The following GPR158 variants were observed in gnomAD, a reference collection of about 807,000 sequenced individuals.
GPR158 encodes the protein G protein-coupled receptor 158.
GPR158 carries 30 observed loss-of-function variants against 78.2 expected under a neutral mutation model. The observed-to-expected ratio is 0.38, with a 90% CI of 0.29 to 0.52. GPR158 has a LOEUF of 0.52. Ranked by LOEUF, GPR158 falls within the 20% of genes least tolerant of loss-of-function variation. GPR158 has a pLI of 0.83. For synonymous variants in GPR158, 581 were observed against 591.1 expected (o/e 0.98, Z 0.25); for missense variants, 1,463 against 1,523.5 (o/e 0.96, Z 0.66).
intron 2 of GPR158, among the ~76,000 whole-genome samples, chr10:25,275,881 T>C (rs1466302891): frequency 6.6e-6 from 1 of 152,150 alleles, no homozygotes. Context: ...CCAGGTATCT[T>C]GACTCCCAGA....
At chr10:25,237,134 G>A (rs1482857437) in intron 2 of GPR158, among the ~76,000 whole-genome samples, 1 of 152,026 alleles carries the variant, frequency 6.6e-6, no homozygotes, top group Non-Finnish European at 1.5e-5. Context: ...CTGTTTTGGT[G>A]GTTTAAGTTC....
intron 2 of GPR158, among the ~76,000 whole-genome samples, chr10:25,354,292 T>C (rs1160341375): frequency 1.3e-5 from 2 of 150,930 alleles, no homozygotes; most frequent in African/African-American, 4.9e-5. Flanking sequence ...GAGGTGGAGG[T>C]TGCAGTGAGC....
intron 5 of GPR158, among the ~76,000 whole-genome samples, chr10:25,481,738 C>CT (rs1211712378): frequency 1.3e-5 from 2 of 152,154 alleles, no homozygotes; most frequent in Admixed American, 6.5e-5. Flanking sequence ...TTCCTTCCCA[C>CT]CAGCAATGCA....
intron 8 of GPR158, among the ~76,000 whole-genome samples, chr10:25,591,513 G>T (rs1837340387): frequency 6.6e-6 from 1 of 152,086 alleles, no homozygotes; most frequent in Non-Finnish European, 1.5e-5. Flanking sequence ...CACTCTGATT[G>T]AATGCTCCAT....
chr10:25,433,546 GTT>G (rs1564454569), intron 4 of GPR158, among the ~76,000 whole-genome samples: 4 of 95,244 alleles, frequency 4.2e-5, no homozygotes, highest in Non-Finnish European at 9.6e-5. Flanking sequence ...GTGTGTGTGT[GTT>G]GTGTGTGTGT....
chr10:25,241,305 T>C (rs1853617278), intron 2 of GPR158, among the ~76,000 whole-genome samples: 9 of 134,580 alleles, frequency 6.7e-5, no homozygotes, highest in African/African-American at 2.5e-4. Flanking sequence ...TTTTCTTTTC[T>C]TTTCTTTTCT....
intron 6 of GPR158, among the ~76,000 whole-genome samples, chr10:25,569,340 AAACTT>A (rs1297905026): frequency 2.0e-5 from 3 of 152,234 alleles, no homozygotes; most frequent in African/African-American, 4.8e-5. Flanking sequence ...GCAAAAGAAA[AAACTT>A]AACTGGTTAA....
At position 25,540,790 on chromosome 10, in the gene GPR158, C is replaced by T. The variant is rs537888300; in HGVS notation, c.1405-10186C>T. Among the ~76,000 whole-genome samples the T allele has an allele frequency of 3.0e-4, 43 of 142,188 alleles. No individual in the cohort carries two copies. The East Asian group carries it at 8.2e-3, about 27-fold the overall frequency. 93.3% of individuals were successfully genotyped at this position (142,188 alleles called of 152,430 possible). ...GGGAACATCACACACCGGGGCCTGT[C>T]GTGGGGTGGGGGGAGTGGGGAGGGA... On this transcript the variant is annotated intron_variant, in intron 5 of 10. Transcript: ENST00000376351.
At chr10:25,282,992 GT>G (rs1447878883) in intron 2 of GPR158, among the ~76,000 whole-genome samples, 2 of 151,904 alleles carry the variant, frequency 1.3e-5, no homozygotes, top group African/African-American at 4.8e-5. Flanking sequence ...TGTCTTTCTG[GT>G]TTTGACATCA....
At chr10:25,311,625 A>G (rs372446755) in intron 2 of GPR158, among the ~76,000 whole-genome samples, 1 of 151,928 alleles carries the variant, frequency 6.6e-6, no homozygotes, top group Non-Finnish European at 1.5e-5. Context: ...TTTCTATTCT[A>G]ATGCTCGAAT....
chr10:25,421,468 G>T (rs1459335485), intron 4 of GPR158, among the ~76,000 whole-genome samples: 1 of 152,056 alleles, frequency 6.6e-6, no homozygotes, highest in African/African-American at 2.4e-5. Context: ...TGTACCTTTA[G>T]TCCACCTATA....
intron 2 of GPR158, among the ~76,000 whole-genome samples, chr10:25,371,914 C>T (rs572369742): frequency 3.2e-4 from 46 of 142,426 alleles, no homozygotes; most frequent in African/African-American, 1.2e-3. Context: ...TCAGAGTGAA[C>T]AGGCAACCTA....
At chr10:25,444,861 G>C (rs1216015691) in intron 4 of GPR158, among the ~76,000 whole-genome samples, 1 of 152,134 alleles carries the variant, frequency 6.6e-6, no homozygotes, top group Non-Finnish European at 1.5e-5. Flanking sequence ...TGTGATGTAT[G>C]CTTCTGATCC....
chr10:25,526,668 CTG>C (rs1320990804), intron 5 of GPR158, among the ~76,000 whole-genome samples: 1 of 152,220 alleles, frequency 6.6e-6, no homozygotes, highest in East Asian at 1.9e-4. Context: ...GAGGCTTCCT[CTG>C]TAAAGCTGGG....
intron 2 of GPR158, among the ~76,000 whole-genome samples, chr10:25,371,312 G>T (rs936655237): frequency 2.0e-5 from 3 of 152,006 alleles, no homozygotes; most frequent in Non-Finnish European, 2.9e-5. Context: ...GGTACCAGTT[G>T]TTCCTTTCCA....
chr10:25,568,872 A>G (rs1836966562), intron 6 of GPR158, among the ~76,000 whole-genome samples: 3 of 152,164 alleles, frequency 2.0e-5, no homozygotes, highest in Admixed American at 1.3e-4. Flanking sequence ...TGGTCTCCTG[A>G]AGACTTATCT....
intron 7 of GPR158, 71 bp downstream of exon 7, chr10:25,572,958 G>A: frequency 4.4e-6 from 4 of 911,712 alleles, no homozygotes; most frequent in Non-Finnish European, 5.5e-6. Flanking sequence ...TTCTTTAAAA[G>A]TCTTGCCAGA....
chr10:25,241,290 T>TTTCTTTCC (rs1228715082), intron 2 of GPR158, among the ~76,000 whole-genome samples: 8 of 94,860 alleles, frequency 8.4e-5, no homozygotes, highest in African/African-American at 2.9e-4. Flanking sequence ...CTTTCTTTTC[T>TTTCTTTCC]TTTCTTTTCT....
At chr10:25,189,840 G>A (rs557951566) in intron 1 of GPR158, among the ~76,000 whole-genome samples, 12 of 125,634 alleles carry the variant, frequency 9.6e-5, no homozygotes, top group African/African-American at 3.4e-4. Flanking sequence ...AAGCATGTGT[G>A]TGTGTGTGTG....
Sources: allele counts gnomAD v4.1 joint callset (sites outside exome capture counted in the v4.1 genomes callset), GRCh38; gene constraint gnomAD v4.1.1; transcripts MANE v1.5; gene names NCBI Gene and HGNC (gene_info 2026-07-23, HGNC 2026-07-21).